The following ING5 variants were observed in gnomAD, a reference collection of about 807,000 sequenced individuals.
ING5 encodes inhibitor of growth family member 5.
In ING5, 17 loss-of-function variants were observed where a neutral mutation model predicts 37.4. The observed-to-expected ratio is 0.45, with a 90% CI of 0.31 to 0.68. ING5 has a LOEUF of 0.68. Among genes scored for constraint, ING5 ranks in the 30% least tolerant of loss-of-function variants. The pLI is 0.05. For missense variants in ING5, 233 were observed against 311.9 expected, an observed-to-expected ratio of 0.75 and a Z score of 1.91; for synonymous variants, 123 against 116.6, an observed-to-expected ratio of 1.06 and a Z score of -0.36.
chr2:241,727,361 TG>T lies in ING5; in HGVS notation c.*2332del, dbSNP rs1381749616. 2 of 152,326 alleles carry T rather than the reference TG, an allele frequency of 1.3e-5. No homozygotes were observed. Among genetic ancestry groups the T allele is most frequent in the Admixed American group, 6.5e-5 (1 of 15,288 alleles). The allele number at this position is 152,326 out of a possible 1,614,324, so 9.4% of individuals were successfully genotyped here. A position where few individuals can be genotyped will look rare whatever the true frequency, so the allele number is the denominator to read the frequency against. On this transcript the variant is annotated 3_prime_UTR_variant, in exon 8 of 8. Coordinates refer to ENST00000313552, the MANE Select transcript of ING5 (RefSeq NM_032329.6). Reference sequence around the variant, plus strand: ...CGGAGTTTTGCTCTGTCACCCAGGCTGGAATGCAATGGCACCATCTTGGCTC... The same window carrying T: ...CGGAGTTTTGCTCTGTCACCCAGGCTGAATGCAATGGCACCATCTTGGCTC...
At chr2:241,700,579 C>T (rs1349342068), upstream of ING5, among the ~76,000 whole-genome samples, 1 of 152,014 alleles carries the variant, frequency 6.6e-6, no homozygotes, top group East Asian at 1.9e-4. Flanking sequence ...TTTCAGCCTC[C>T]CGAGTATCTG....
chr2:241,710,750 C>T (rs1377946320), intron 3 of ING5, among the ~76,000 whole-genome samples: 1 of 152,154 alleles, frequency 6.6e-6, no homozygotes, highest in Non-Finnish European at 1.5e-5. Context: ...TCCCAAAGTG[C>T]TGGGATTACA....
At chr2:241,704,080 A>G (rs182958396) in intron 1 of ING5, among the ~76,000 whole-genome samples, 2 of 152,266 alleles carry the variant, frequency 1.3e-5, no homozygotes, top group East Asian at 3.9e-4. Flanking sequence ...GGGTGGGGTC[A>G]GTTGGCCTCC....
exon 2 of ING5, chr2:241,690,632 C>G: frequency 2.5e-6 from 1 of 398,570 alleles, no homozygotes; most frequent in Middle Eastern, 6.3e-4. Flanking sequence ...AGTCACTCCA[C>G]GAGACTCTGG....
chr2:241,709,074 C>G, intron 2 of ING5, 142 bp from the exon 3 acceptor site: 1 of 857,166 alleles, frequency 1.2e-6, no homozygotes. Context: ...TGCCCACTTG[C>G]GCTCCCACCA....
At chr2:241,688,536 C>A (rs1481641006) in intron 1 of ING5, among the ~76,000 whole-genome samples, 1 of 152,162 alleles carries the variant, frequency 6.6e-6, no homozygotes, top group Non-Finnish European at 1.5e-5. Context: ...CAGACTGAAG[C>A]CTCCCCAATT....
intron 2 of ING5, among the ~76,000 whole-genome samples, chr2:241,706,406 G>T (rs952439606): frequency 2.6e-5 from 4 of 152,030 alleles, no homozygotes; most frequent in Non-Finnish European, 2.9e-5. Flanking sequence ...GAGGTGGGCA[G>T]ATCACCTGAG....
At chr2:241,701,902 A>G (rs909861416), upstream of ING5, 10 of 335,472 alleles carry the variant, frequency 3.0e-5, no homozygotes, top group Non-Finnish European at 5.3e-5. Context: ...CGGGCCCCGC[A>G]GCCCGCCGCC....
chr2:241,724,524 A>G (rs6437286), intron 7 of ING5: 103,072 of 172,700 alleles, frequency 0.6, 31,796 homozygotes, highest in East Asian at 0.81. Flanking sequence ...TTGTGCGTGC[A>G]GCTCCAGAAC....
At chr2:241,722,333 C>CG in intron 5 of ING5, 19 of 985,316 alleles carry the variant, frequency 1.9e-5, no homozygotes, top group Non-Finnish European at 2.2e-5. Flanking sequence ...CAGAGGTCCC[C>CG]GGGGGAGTCC....
At chr2:241,706,135 C>T (rs2069903243) in intron 2 of ING5, among the ~76,000 whole-genome samples, 2 of 152,180 alleles carry the variant, frequency 1.3e-5, no homozygotes, top group Non-Finnish European at 2.9e-5. Flanking sequence ...GCAGAGCCCT[C>T]TGTCCTGGAG....
chr2:241,723,406 A>T, intron 7 of ING5, 135 bp downstream of exon 7: 1 of 957,662 alleles, frequency 1.0e-6, no homozygotes, highest in East Asian at 2.4e-5. Context: ...GGCATGCCCC[A>T]CTGTGGCCTC....
intron 7 of ING5, chr2:241,724,168 C>T (rs1691506762): frequency 8.4e-6 from 6 of 717,314 alleles, no homozygotes; most frequent in African/African-American, 3.8e-5. Flanking sequence ...CAGACTCGCC[C>T]GAGTTGGTAA....
chr2:241,702,000 C>CGCCCCGCCCCCGCCTCCCGCG, upstream of ING5: 1 of 1,214,822 alleles, frequency 8.2e-7, no homozygotes, highest in Non-Finnish European at 1.1e-6. Context: ...GCGCTGGCAC[C>CGCCCCGCCCCCGCCTCCCGCG]GCCCCGCCCC....
chr2:241,688,015 G>A (rs773187810), exon 1 of ING5: 1 of 152,220 alleles, frequency 6.6e-6, no homozygotes, highest in Non-Finnish European at 1.5e-5. Context: ...GCGCTCAGTA[G>A]TGTTTGCTGT....
chr2:241,707,127 T>A (rs2069943403), intron 2 of ING5, among the ~76,000 whole-genome samples: 1 of 149,580 alleles, frequency 6.7e-6, no homozygotes, highest in Non-Finnish European at 1.5e-5. Context: ...GCCCAGCTAA[T>A]TTTGTATTTT....
rs1575144920 is a variant in ING5 at position 241,727,201 on chromosome 2, T to G, written c.*2170T>G. On this transcript the variant is annotated 3_prime_UTR_variant, in exon 8 of 8. Coordinates refer to ENST00000313552, the MANE Select transcript of ING5 (RefSeq NM_032329.6). ...ATCCGCCTGCGTCGGCTTCCCAGAGTGCTGGGATTACAGGTGTCAGCCACT... is the reference window on the plus strand; with the variant it reads ...ATCCGCCTGCGTCGGCTTCCCAGAGGGCTGGGATTACAGGTGTCAGCCACT... The G allele has an allele frequency of 6.6e-6, 1 of 152,258 alleles. No homozygotes were observed. The highest frequency in any genetic ancestry group is 1.5e-5 in the Non-Finnish European group (1 of 68,066). The allele number at this position is 152,258 out of a possible 1,614,324, so 9.4% of individuals were successfully genotyped here.
At chr2:241,700,339 A>C (rs562466616), upstream of ING5, among the ~76,000 whole-genome samples, 1 of 149,980 alleles carries the variant, frequency 6.7e-6, no homozygotes, top group Admixed American at 6.7e-5. Context: ...TTGTAGTTTT[A>C]GTAGAGATGG....
chr2:241,703,293 A>G lies in ING5; in HGVS notation c.37+1191A>G, dbSNP rs112068756. Among the ~76,000 whole-genome samples the G allele has an allele frequency of 1.0e-3, 152 of 152,180 alleles. 1 individual carries two copies. Among genetic ancestry groups the G allele is most frequent in the African/African-American group, 3.4e-3 (140 of 41,502 alleles). ...TGGAAGCATCAGATGCATAAGATAG[A>G]GTTAGGTTTAAAATGATTGCCTGGT... is the stretch of plus-strand genomic sequence containing the variant. On this transcript the variant is annotated intron_variant, in intron 1 of 7. Transcript: ENST00000313552.
Sources: allele counts gnomAD v4.1 joint callset (sites outside exome capture counted in the v4.1 genomes callset), GRCh38; gene constraint gnomAD v4.1.1; transcripts MANE v1.5; gene names NCBI Gene and HGNC (gene_info 2026-07-23, HGNC 2026-07-21).